Variants in ACTA2 observed in about 807,000 individuals in gnomAD.
ACTA2 encodes the protein actin, aortic smooth muscle.
In ACTA2, 12 loss-of-function variants were observed where a neutral mutation model predicts 39.5. That is an observed-to-expected ratio of 0.30 (90% CI 0.19 to 0.49). The LOEUF (loss-of-function observed/expected upper bound fraction) is 0.49. ACTA2 is among the 20% of genes least tolerant of loss of function. The probability of loss-of-function intolerance (pLI) is 0.99; values close to 1 mark genes in which losing one functional copy is unlikely to be tolerated. For missense variants in ACTA2, 236 were observed against 498.8 expected, an observed-to-expected ratio of 0.47 and a Z score of 5.02; for synonymous variants, 158 against 180.6, an observed-to-expected ratio of 0.88 and a Z score of 1.00.
At position 88,989,785 on chromosome 10, in the gene ACTA2, G is replaced by A. The variant is rs9658675; in HGVS notation, c.-24+1154C>T. On this transcript the variant is annotated intron_variant, in intron 1 of 4. Coordinates refer to the ACTA2 transcript ENST00000415557. ...TGGGAAGGGAGAGAGGTTGCAGAGTGAGGTGCAGAGCTTGGTGGACGATGC... is the reference window on the plus strand; with the variant it reads ...TGGGAAGGGAGAGAGGTTGCAGAGTAAGGTGCAGAGCTTGGTGGACGATGC... 2.0e-3 allele frequency among the ~76,000 whole-genome samples: 309 copies of A among 152,338 alleles called. 2 individuals are homozygous for A. The highest frequency in any genetic ancestry group is 6.6e-3 in the African/African-American group (274 of 41,582).
chr10:88,966,863 G>A (rs1300184316), intron 1 of ACTA2, among the ~76,000 whole-genome samples: 1 of 152,172 alleles, frequency 6.6e-6, no homozygotes, highest in Non-Finnish European at 1.5e-5. Context: ...TTAGGTGTCA[G>A]GTGGTGTTTA....
Position 88,990,562 on chromosome 10 carries a change from A to T in ACTA2, c.-24+377T>A. The T allele has an allele frequency of 1.6e-6, 1 of 643,646 alleles. No homozygotes were observed. The highest frequency in any genetic ancestry group is 2.9e-6 in the Non-Finnish European group (1 of 348,288). The allele number at this position is 643,646 out of a possible 1,614,324, so 39.9% of individuals were successfully genotyped here. On this transcript the variant is annotated intron_variant, in intron 1 of 4. Transcript: ENST00000415557. This position sits in a 1 kb window ranked among gnomAD's most constrained non-coding sequence, Gnocchi z 4.9. Reference sequence around the variant, plus strand: ...CGCGCGCAGGCCAAGTTGCTGAATCAATGGAGCCCTCCCCAACCCGGGCGT... The same window carrying T: ...CGCGCGCAGGCCAAGTTGCTGAATCTATGGAGCCCTCCCCAACCCGGGCGT...
intron 1 of ACTA2, among the ~76,000 whole-genome samples, chr10:88,950,261 T>C (rs939884726): frequency 1.3e-5 from 2 of 152,236 alleles, no homozygotes; most frequent in African/African-American, 4.8e-5. Context: ...CCCAGAGTTA[T>C]CTGCCTGGCA....
intron 1 of ACTA2, among the ~76,000 whole-genome samples, chr10:88,969,467 G>A (rs750666192): frequency 6.6e-6 from 1 of 152,224 alleles, no homozygotes; most frequent in Admixed American, 6.5e-5. Flanking sequence ...CATTGGCATA[G>A]TCTCTGTTGT....
intron 1 of ACTA2, among the ~76,000 whole-genome samples, chr10:88,983,799 A>C (rs1456370434): frequency 6.6e-6 from 1 of 152,224 alleles, no homozygotes; most frequent in East Asian, 1.9e-4. Context: ...GAAATTTCAG[A>C]AAGAACTTTG....
intron 1 of ACTA2, among the ~76,000 whole-genome samples, chr10:88,959,831 A>G (rs374677790): frequency 1.2e-4 from 18 of 151,286 alleles, no homozygotes; most frequent in African/African-American, 4.3e-4. Flanking sequence ...CTTATTTTTA[A>G]TGACCTTGAC....
chr10:88,939,128 A>G (rs1268873221), intron 7 of ACTA2, among the ~76,000 whole-genome samples: 1 of 152,128 alleles, frequency 6.6e-6, no homozygotes, highest in African/African-American at 2.4e-5. Flanking sequence ...CTCCAAGACA[A>G]TGTGAATGTA....
chr10:88,957,578 G>T, upstream of ACTA2, among the ~76,000 whole-genome samples: 1 of 152,140 alleles, frequency 6.6e-6, no homozygotes, highest in East Asian at 1.9e-4. Flanking sequence ...TGGAACAATG[G>T]ACTTTCCCAT....
At chr10:88,941,128 CA>C in intron 6 of ACTA2, 100 bp downstream of exon 6, 1 of 1,516,846 alleles carries the variant, frequency 6.6e-7, no homozygotes, top group South Asian at 1.2e-5. Context: ...TTGCCATTTG[CA>C]AAACTTCATC....
intron 1 of ACTA2, among the ~76,000 whole-genome samples, chr10:88,987,795 T>A (rs1846948051): frequency 6.6e-6 from 1 of 152,240 alleles, no homozygotes; most frequent in South Asian, 2.1e-4. Context: ...AGCTAGGCCA[T>A]GGCACTTGGC....
In ACTA2 at chr10:88,969,562, C is replaced by T. The variant is rs114977707; in HGVS notation, c.-23-20609G>A. On this transcript the variant is annotated intron_variant, in intron 1 of 4. Coordinates refer to the ACTA2 transcript ENST00000415557. ...ATTTTTTAGATCAGTTTTATGTTTG[C>T]AGCATCAAGATCACTTTTTTTTTTG... is the stretch of plus-strand genomic sequence containing the variant. Among the ~76,000 whole-genome samples, 463 of 152,238 alleles carry T rather than the reference C, an allele frequency of 3.0e-3. 3 individuals carry two copies. The highest frequency in any genetic ancestry group is 0.011 in the African/African-American group (448 of 41,536).
upstream of ACTA2, among the ~76,000 whole-genome samples, chr10:88,957,665 T>A (rs2133292136): frequency 6.6e-6 from 1 of 152,268 alleles, no homozygotes; most frequent in Non-Finnish European, 1.5e-5. Flanking sequence ...TTCCCCCTTG[T>A]ACTCCTCTAA....
rs1366437644 is a variant in ACTA2, at chr10:88,935,164, A to G, written c.*59T>C. On this transcript the variant is annotated 3_prime_UTR_variant, in exon 9 of 9. Coordinates refer to ENST00000224784, the MANE Select transcript of ACTA2 (RefSeq NM_001613.4). ...AATGATTTGGAAAAGAACTGAAGGC[A>G]TAATTCCACAGGACATTCACAGTTG... 3.1e-6 allele frequency: 5 copies of G among 1,604,636 alleles called. No individual in the cohort carries two copies. Among genetic ancestry groups the G allele is most frequent in the African/African-American group, 2.7e-5 (2 of 74,680 alleles).
In ACTA2 at chr10:88,946,230, T is replaced by A. The variant is rs147454660; in HGVS notation, c.258+1028A>T. Reference sequence around the variant, plus strand: ...GATGCTACCACCTCAGCCTCCTGAGTAGCTGGGACTACAGTTGCATGCCAC... The same window carrying A: ...GATGCTACCACCTCAGCCTCCTGAGAAGCTGGGACTACAGTTGCATGCCAC... On this transcript the variant is annotated intron_variant, in intron 3 of 8. Transcript: ENST00000224784. Among the ~76,000 whole-genome samples, 16 of 150,842 alleles carry A rather than the reference T, an allele frequency of 1.1e-4. No homozygotes were observed. The East Asian group carries it at 3.1e-3, about 29-fold the overall frequency.
At chr10:88,986,417 C>T (rs906949061) in intron 1 of ACTA2, among the ~76,000 whole-genome samples, 12 of 152,238 alleles carry the variant, frequency 7.9e-5, no homozygotes, top group Admixed American at 2.6e-4. Flanking sequence ...CAATTGCTGT[C>T]TGCTTTTTAG....
intron 4 of ACTA2, among the ~76,000 whole-genome samples, chr10:88,942,691 C>T (rs1845877759): frequency 1.3e-5 from 2 of 152,070 alleles, no homozygotes; most frequent in African/African-American, 2.4e-5. Flanking sequence ...CCTTCCTACT[C>T]TATTAACCAG....
intron 1 of ACTA2, among the ~76,000 whole-genome samples, chr10:88,983,981 A>T (rs74938462): frequency 0.14 from 22,004 of 152,010 alleles, 1,927 homozygotes; most frequent in East Asian, 0.42. Flanking sequence ...CTGGACAAAA[A>T]ACTCTTTAGA....
upstream of ACTA2, among the ~76,000 whole-genome samples, chr10:88,956,090 A>T (rs1392637634): frequency 6.6e-6 from 1 of 152,234 alleles, no homozygotes; most frequent in Non-Finnish European, 1.5e-5. Context: ...GAGGTGAGAC[A>T]GACACTTTTT....
intron 1 of ACTA2, among the ~76,000 whole-genome samples, chr10:88,978,070 TA>T (rs1846613954): frequency 1.7e-5 from 1 of 57,920 alleles, no homozygotes; most frequent in Non-Finnish European, 3.4e-5. Context: ...TATGCAGCCA[TA>T]AAAAATGATG....
Sources: gnomAD v4.1 joint callset for allele counts (sites outside exome capture counted in the v4.1 genomes callset) on GRCh38, gnomAD v4.1.1 for gene constraint, Gnocchi (gnomAD v3.1) non-coding constraint, MANE v1.5 for transcripts, NCBI Gene and HGNC (gene_info 2026-07-23, HGNC 2026-07-21) for gene names.